NTN1: variants seen among roughly 807,000 people sequenced by gnomAD.
NTN1 encodes the protein netrin-1.
A neutral mutation model predicts 54.2 loss-of-function variants in NTN1; 11 were observed. The observed-to-expected ratio is 0.20, with a 90% confidence interval of 0.13 to 0.34. NTN1 has a LOEUF of 0.34. Among genes scored for constraint, NTN1 ranks in the 10% least tolerant of loss-of-function variants. NTN1 has a pLI of 1.00. For missense variants in NTN1, 740 were observed against 893.1 expected (o/e 0.83, Z 2.18); for synonymous variants, 371 against 382.0 (o/e 0.97, Z 0.33).
intron 2 of NTN1, among the ~76,000 whole-genome samples, chr17:9,153,020 G>A (rs146930086): frequency 2.3e-4 from 35 of 152,302 alleles, no homozygotes; most frequent in Non-Finnish European, 4.4e-4. Flanking sequence ...TGTAATCCAA[G>A]CACTTTGGGA....
rs1597510968 is a variant in NTN1 at position 9,161,220 on chromosome 17, G to T, written c.1019-1593G>T. On this transcript the variant is annotated intron_variant, in intron 2 of 6. Coordinates refer to ENST00000173229, the MANE Select transcript of NTN1 (RefSeq NM_004822.3). ...TGGAGCGGGGCTGGGAAGTAACATT[G>T]GAACCAAGACCTGGGGGATGAGAAG... Among the ~76,000 whole-genome samples the T allele has an allele frequency of 2.0e-5, 3 of 152,098 alleles. 1 individual carries two copies. The highest frequency in any genetic ancestry group is 2.0e-4 in the Admixed American group (3 of 15,266).
intron 5 of NTN1, among the ~76,000 whole-genome samples, chr17:9,215,250 TAC>T (rs58245153): frequency 0.084 from 11,662 of 138,168 alleles, 450 homozygotes; most frequent in South Asian, 0.12. Flanking sequence ...GCTAGATAGA[TAC>T]ACACACACAC....
intron 2 of NTN1, among the ~76,000 whole-genome samples, chr17:9,069,454 T>G (rs1182225445): frequency 1.3e-5 from 2 of 152,238 alleles, no homozygotes; most frequent in Non-Finnish European, 2.9e-5. Flanking sequence ...GAGGAAACCT[T>G]AGCAGAACCT....
At chr17:9,226,912 C>T (rs537665650) in intron 6 of NTN1, among the ~76,000 whole-genome samples, 22 of 152,112 alleles carry the variant, frequency 1.4e-4, no homozygotes, top group African/African-American at 4.6e-4. Context: ...ACCACAGCCC[C>T]GGAAACCACC....
At chr17:9,231,909 G>T (rs985920713) in intron 6 of NTN1, among the ~76,000 whole-genome samples, 1 of 152,052 alleles carries the variant, frequency 6.6e-6, no homozygotes, top group African/African-American at 2.4e-5. Context: ...GCCTCGGGGC[G>T]GTTGGGGGGA....
intron 2 of NTN1, among the ~76,000 whole-genome samples, chr17:9,155,066 G>A (rs543397560): frequency 2.0e-5 from 3 of 152,304 alleles, no homozygotes; most frequent in South Asian, 2.1e-4. Flanking sequence ...TCTGTGCTCC[G>A]ACTCTCTTCT....
intron 5 of NTN1, among the ~76,000 whole-genome samples, chr17:9,214,186 T>G: frequency 6.6e-6 from 1 of 152,176 alleles, no homozygotes; most frequent in East Asian, 1.9e-4. Context: ...TGCATTTCAT[T>G]TATTTTCATT....
intron 3 of NTN1, among the ~76,000 whole-genome samples, chr17:9,164,428 A>G (rs1277572723): frequency 1.3e-5 from 2 of 151,798 alleles, no homozygotes; most frequent in Admixed American, 6.6e-5. Context: ...CTGTCTCGAA[A>G]AAAAAAAAAG....
intron 2 of NTN1, among the ~76,000 whole-genome samples, chr17:9,125,192 G>T (rs1281110018): frequency 6.6e-6 from 1 of 151,442 alleles, no homozygotes; most frequent in Non-Finnish European, 1.5e-5. Context: ...CTCCTGAGTA[G>T]CTGGGACTAC....
chr17:9,145,997 C>T (rs1204532311), intron 2 of NTN1, among the ~76,000 whole-genome samples: 1 of 151,624 alleles, frequency 6.6e-6, no homozygotes, highest in African/African-American at 2.4e-5. Flanking sequence ...CAAGCCTCTG[C>T]GGGCTGGAAG....
intron 6 of NTN1, among the ~76,000 whole-genome samples, chr17:9,223,150 A>G (rs996675466): frequency 6.6e-6 from 1 of 152,124 alleles, no homozygotes; most frequent in African/African-American, 2.4e-5. Flanking sequence ...AGAAACTTCC[A>G]CCTCCCACGG....
chr17:9,142,781 T>C (rs532886592), intron 2 of NTN1, among the ~76,000 whole-genome samples: 48 of 152,122 alleles, frequency 3.2e-4, no homozygotes, highest in African/African-American at 1.1e-3. Flanking sequence ...GAGAGAAGCA[T>C]AGTAGATGAA....
intron 2 of NTN1, among the ~76,000 whole-genome samples, chr17:9,095,263 G>T (rs1420736719): frequency 6.6e-6 from 1 of 152,106 alleles, no homozygotes; most frequent in Non-Finnish European, 1.5e-5. Context: ...TGCTTCTGGT[G>T]CTCGTTCATG....
At chr17:9,139,314 T>C (rs2092290638) in intron 2 of NTN1, among the ~76,000 whole-genome samples, 1 of 152,098 alleles carries the variant, frequency 6.6e-6, no homozygotes, top group African/African-American at 2.4e-5. Flanking sequence ...CCTGACGCCA[T>C]GGGGGTGTAA....
intron 2 of NTN1, among the ~76,000 whole-genome samples, chr17:9,146,383 C>T (rs1231976381): frequency 1.3e-5 from 2 of 151,774 alleles, no homozygotes; most frequent in Admixed American, 1.3e-4. Flanking sequence ...GAGCTCATCT[C>T]ATTGTTCTCT....
rs1356615073 is a variant in NTN1, at chr17:9,171,525, GATA to G, written c.1208-8279_1208-8277del. ...ACAATAAACAAAGAAGAAAAAGGAA[GATA>G]ATGATGGATTGTGGTGAGTTACATG... is the stretch of plus-strand genomic sequence containing the variant. On this transcript the variant is annotated intron_variant, in intron 3 of 6. Transcript: ENST00000173229. 3 of 152,410 alleles carry G rather than the reference GATA, an allele frequency of 2.0e-5. No homozygotes were observed. In the East Asian group the frequency reaches 5.8e-4, roughly 29 times the overall value. The allele number at this position is 152,410 out of a possible 1,614,324, so 9.4% of individuals were successfully genotyped here. A position where few individuals can be genotyped will look rare whatever the true frequency, so the allele number is the denominator to read the frequency against.
chr17:9,180,756 G>A (rs1028777213), intron 4 of NTN1, among the ~76,000 whole-genome samples: 6 of 152,158 alleles, frequency 3.9e-5, no homozygotes, highest in African/African-American at 9.7e-5. Flanking sequence ...ACCCTGAGGC[G>A]TTCCGTACAG....
At chr17:9,050,238 C>T (rs2091955846) in intron 2 of NTN1, among the ~76,000 whole-genome samples, 1 of 150,754 alleles carries the variant, frequency 6.6e-6, no homozygotes, top group Non-Finnish European at 1.5e-5. Flanking sequence ...CAGAGTGAGA[C>T]TCTGTCTCAA....
chr17:9,145,575 G>A (rs189523134), intron 2 of NTN1, among the ~76,000 whole-genome samples: 35 of 152,246 alleles, frequency 2.3e-4, no homozygotes, highest in Admixed American at 4.6e-4. Flanking sequence ...CCAGGGTCTC[G>A]ACATTATTTT....
Sources: allele counts gnomAD v4.1 joint callset (sites outside exome capture counted in the v4.1 genomes callset), GRCh38; gene constraint gnomAD v4.1.1; transcripts MANE v1.5; gene names NCBI Gene and HGNC (gene_info 2026-07-23, HGNC 2026-07-21).